The following RCAN1 variants were observed in gnomAD, a reference collection of about 807,000 sequenced individuals.
RCAN1 encodes the protein calcipressin-1.
A neutral mutation model predicts 22.9 loss-of-function variants in RCAN1; 11 were observed. The observed-to-expected ratio is 0.48, with a 90% CI of 0.30 to 0.79. RCAN1 has a LOEUF of 0.79. Ranked by LOEUF, RCAN1 falls within the 30% of genes least tolerant of loss-of-function variation. The probability of loss-of-function intolerance (pLI) is 0.06; values close to 1 mark genes in which losing one functional copy is unlikely to be tolerated. For synonymous variants in RCAN1, 136 were observed against 142.3 expected, an observed-to-expected ratio of 0.96 and a Z score of 0.32; for missense variants, 291 against 337.8, an observed-to-expected ratio of 0.86 and a Z score of 1.09.
chr21:34,608,765 C>A (rs1425053662), intron 1 of RCAN1, among the ~76,000 whole-genome samples: 1 of 152,134 alleles, frequency 6.6e-6, no homozygotes, highest in Non-Finnish European at 1.5e-5. Flanking sequence ...TATATACAGA[C>A]CCAATCACTC....
chr21:34,561,895 A>T (rs2284589), intron 1 of RCAN1, among the ~76,000 whole-genome samples: 36,759 of 152,042 alleles, frequency 0.24, 5,186 homozygotes, highest in African/African-American at 0.39. Context: ...TTCTATAGGC[A>T]CACAGGATTG....
chr21:34,570,164 A>T (rs934302277), intron 1 of RCAN1, among the ~76,000 whole-genome samples: 12 of 152,178 alleles, frequency 7.9e-5, no homozygotes, highest in Non-Finnish European at 1.3e-4. Context: ...GATTTTTTTT[A>T]AAAACCATCC....
intron 1 of RCAN1, among the ~76,000 whole-genome samples, chr21:34,555,713 C>T (rs1986536771): frequency 6.6e-6 from 1 of 151,790 alleles, no homozygotes; most frequent in South Asian, 2.1e-4. Flanking sequence ...ATTAGAATAT[C>T]TTCCATGCTT....
At chr21:34,580,398 C>T (rs895696795) in intron 1 of RCAN1, among the ~76,000 whole-genome samples, 3 of 152,156 alleles carry the variant, frequency 2.0e-5, no homozygotes, top group East Asian at 3.9e-4. Flanking sequence ...CTGGCTGGCA[C>T]GGGTGGCCAT....
chr21:34,531,900 C>A (rs1286702099), intron 1 of RCAN1, among the ~76,000 whole-genome samples: 1 of 152,068 alleles, frequency 6.6e-6, no homozygotes, highest in East Asian at 1.9e-4. Flanking sequence ...AACAATGACC[C>A]CCCGTGTTAA....
intron 1 of RCAN1, among the ~76,000 whole-genome samples, chr21:34,578,867 C>T (rs1207101593): frequency 3.9e-5 from 6 of 152,138 alleles, no homozygotes; most frequent in South Asian, 2.1e-4. Context: ...CTGGGAAGAG[C>T]GTAGCTGGGT....
At chr21:34,536,441 C>T (rs1220392726) in intron 1 of RCAN1, among the ~76,000 whole-genome samples, 1 of 152,226 alleles carries the variant, frequency 6.6e-6, no homozygotes, top group Admixed American at 6.5e-5. Context: ...GCCCAGGGAA[C>T]ACCAGTGTCT....
chr21:34,578,983 A>G (rs953320248), intron 1 of RCAN1, among the ~76,000 whole-genome samples: 1 of 152,146 alleles, frequency 6.6e-6, no homozygotes, highest in South Asian at 2.1e-4. Flanking sequence ...TACAACAAAC[A>G]GACAAACAAA....
At chr21:34,568,660 T>A (rs1341181074) in intron 1 of RCAN1, among the ~76,000 whole-genome samples, 1 of 152,216 alleles carries the variant, frequency 6.6e-6, no homozygotes, top group Non-Finnish European at 1.5e-5. Context: ...TGAGGAATCA[T>A]ACTCATGAAT....
In RCAN1 at chr21:34,614,303, G is replaced by A. The variant is rs11909625; in HGVS notation, c.252+457C>T. 8.0e-3 allele frequency: 7,878 copies of A among 990,910 alleles called. 302 individuals carry two copies. In the South Asian group the frequency reaches 0.11, roughly 13 times the overall value. The allele number at this position is 990,910 out of a possible 1,614,324, so 61.4% of individuals were successfully genotyped here. ...CCAAACATTGGCTTTTCTTCCAATA[G>A]TGCAGATTGGGAATGCAGGGACGTC... On this transcript the variant is annotated intron_variant, in intron 1 of 3. Coordinates refer to ENST00000313806, the MANE Select transcript of RCAN1 (RefSeq NM_004414.7). The surrounding 1 kb of genome is among the most constrained non-coding windows in gnomAD (Gnocchi z 6.0).
chr21:34,549,221 T>A (rs552344109), intron 1 of RCAN1, among the ~76,000 whole-genome samples: 2 of 152,178 alleles, frequency 1.3e-5, no homozygotes, highest in African/African-American at 2.4e-5. Flanking sequence ...ATGCTCTCAG[T>A]GGCCCTCGAA....
Position 34,517,416 on chromosome 21 carries a change from C to A in RCAN1, c.*668G>T, listed in dbSNP as rs1306455112. On this transcript the variant is annotated 3_prime_UTR_variant, in exon 4 of 4. Transcript: ENST00000313806. The stretch of plus-strand genomic sequence containing the variant: ...GAGTGAATGCATTCCAGGAAGAGTT[C>A]CGCAAGCAAGTGCTGTTGCAAAGAG... 1 of 152,226 alleles carries A rather than the reference C, an allele frequency of 6.6e-6. No individual in the cohort carries two copies. The highest frequency in any genetic ancestry group is 1.5e-5 in the Non-Finnish European group (1 of 68,044). The allele number at this position is 152,226 out of a possible 1,614,324, so 9.4% of individuals were successfully genotyped here. A position where few individuals can be genotyped will look rare whatever the true frequency, so the allele number is the denominator to read the frequency against.
intron 1 of RCAN1, among the ~76,000 whole-genome samples, chr21:34,563,792 T>TAGAGAGAGAGAGAGAG (rs1400313535): frequency 2.7e-5 from 2 of 74,708 alleles, no homozygotes; most frequent in African/African-American, 1.2e-4. Flanking sequence ...TATATATATA[T>TAGAGAGAGAGAGAGAG]ATAGAGAGAG....
At chr21:34,521,421 A>T in intron 3 of RCAN1, 78 bp downstream of exon 3, 2 of 1,607,688 alleles carry the variant, frequency 1.2e-6, no homozygotes, top group Non-Finnish European at 1.7e-6. Context: ...CTACGGGGGT[A>T]GTGGTGGTAC....
chr21:34,596,235 A>C (rs1314865140), intron 1 of RCAN1, among the ~76,000 whole-genome samples: 1 of 152,110 alleles, frequency 6.6e-6, no homozygotes, highest in African/African-American at 2.4e-5. Flanking sequence ...CTTAACCTCT[A>C]AGCTCCAACA....
chr21:34,556,096 A>ATAAATAAATAAATAAT (rs1321238080), intron 1 of RCAN1, among the ~76,000 whole-genome samples: 29 of 70,498 alleles, frequency 4.1e-4, no homozygotes, highest in African/African-American at 1.6e-3. Flanking sequence ...AAATAAATAA[A>ATAAATAAATAAATAAT]TAATTAAAGG....
chr21:34,542,944 G>C (rs1031171485), intron 1 of RCAN1, among the ~76,000 whole-genome samples: 1 of 152,198 alleles, frequency 6.6e-6, no homozygotes, highest in African/African-American at 2.4e-5. Context: ...TCTGAACCTG[G>C]TGTTCCATTT....
At chr21:34,612,678 T>C (rs1330411750) in intron 1 of RCAN1, among the ~76,000 whole-genome samples, 2 of 152,266 alleles carry the variant, frequency 1.3e-5, no homozygotes, top group African/African-American at 4.8e-5. Flanking sequence ...CTTCCCTGCC[T>C]GTACCCTGCC....
chr21:34,523,246 C>T lies in RCAN1; in HGVS notation c.426+291G>A, dbSNP rs1028542303. The T allele has an allele frequency of 1.7e-5, 6 of 343,382 alleles. No individual in the cohort carries two copies. In the East Asian group the frequency reaches 2.5e-4, roughly 14 times the overall value. The allele number at this position is 343,382 out of a possible 1,614,324, so 21.3% of individuals were successfully genotyped here. A position where few individuals can be genotyped will look rare whatever the true frequency, so the allele number is the denominator to read the frequency against. On this transcript the variant is annotated intron_variant, in intron 2 of 3. Coordinates refer to ENST00000313806, the MANE Select transcript of RCAN1 (RefSeq NM_004414.7). ...AAACCTTAGGGTGTTTGCATAGCCA[C>T]GCCTACCCCGCTGCACCCTGCAAGC...
Sources: allele counts gnomAD v4.1 joint callset (sites outside exome capture counted in the v4.1 genomes callset), GRCh38; gene constraint gnomAD v4.1.1; non-coding constraint Gnocchi (gnomAD v3.1); transcripts MANE v1.5; gene names NCBI Gene and HGNC (gene_info 2026-07-23, HGNC 2026-07-21).